Variants in CCNP observed in about 807,000 individuals in gnomAD.
CCNP encodes the protein cyclin P.
A neutral mutation model predicts 19.6 loss-of-function variants in CCNP; 18 were observed. The ratio of observed to expected loss-of-function variants is 0.92; its 90% CI spans 0.64 to 1.36. The LOEUF is 1.36. Among genes scored for constraint, CCNP ranks in the 40% most tolerant of loss-of-function variants. CCNP has a pLI of 0.00. For synonymous variants in CCNP, 228 were observed against 194.9 expected, an observed-to-expected ratio of 1.17 and a Z score of -1.41; for missense variants, 440 against 424.4, an observed-to-expected ratio of 1.04 and a Z score of -0.32.
intron 1 of CCNP, among the ~76,000 whole-genome samples, chr19:40,225,865 A>G (rs887358413): frequency 6.6e-6 from 1 of 152,204 alleles, no homozygotes; most frequent in Non-Finnish European, 1.5e-5. Context: ...CTCAGGTCCT[A>G]ACAGAGATCC....
rs1244607635 is a variant in CCNP at position 40,223,074 on chromosome 19, C to T, written c.902G>A (p.Arg301Gln). 3 of 1,540,296 alleles carry T rather than the reference C, an allele frequency of 1.9e-6. No individual in the cohort carries two copies. Among genetic ancestry groups the T allele is most frequent in the Non-Finnish European group, 2.6e-6 (3 of 1,137,944 alleles). ...DLPSWSFLRS[R>Q]RMRDNY The stretch of plus-strand genomic sequence containing the variant: ...TCCTCAATAATTGTCTCTCATTCTC[C>T]GAGACCGTAAAAATGACCAGGAAGG... The change falls in exon 5 of 5, where the codon CGG becomes CAG. Residue 301 changes from arginine (R) to glutamine (Q), a missense_variant. Transcript: ENST00000430325.
Position 40,222,986 on chromosome 19 carries a change from A to G in CCNP, c.*66T>C, listed in dbSNP as rs1276181575. 7.2e-5 allele frequency: 66 copies of G among 916,280 alleles called. No homozygotes were observed. In the East Asian group the frequency reaches 1.7e-3, roughly 23 times the overall value. The allele number at this position is 916,280 out of a possible 1,614,324, so 56.8% of individuals were successfully genotyped here. On this transcript the variant is annotated 3_prime_UTR_variant, in exon 5 of 5. Transcript: ENST00000430325. Reference sequence around the variant, plus strand: ...GGTTAAGAGACCCCAGATCTGGACTAATGGGGTCCTCCCACCCCATTCTCT... The same window carrying G: ...GGTTAAGAGACCCCAGATCTGGACTGATGGGGTCCTCCCACCCCATTCTCT...
At chr19:40,223,348 G>A (rs1013130085) in intron 4 of CCNP, 40 bp downstream of exon 4, 18 of 1,488,812 alleles carry the variant, frequency 1.2e-5, no homozygotes, top group Non-Finnish European at 9.9e-6. Flanking sequence ...CCCACTTCGC[G>A]CCGGCCACGC....
chr19:40,225,656 C>T (rs1308601260), intron 1 of CCNP, among the ~76,000 whole-genome samples: 1 of 152,240 alleles, frequency 6.6e-6, no homozygotes, highest in Admixed American at 6.5e-5. Context: ...CAGAGAGGGT[C>T]CTTCCCCAGC....
At position 40,226,360 on chromosome 19, in the gene CCNP, G is replaced by A. The variant is rs763446141; in HGVS notation, c.267+15C>T. On this transcript the variant is annotated intron_variant, in intron 1 of 4. Transcript: ENST00000430325. ...CGGCGTCGCCCTCACCAGGGCAGGC[G>A]GCGGGTAGGCTCACCATGACTTCGG... The A allele has an allele frequency of 9.4e-6, 15 of 1,602,876 alleles. 1 individual carries two copies. The highest frequency in any genetic ancestry group is 6.7e-5 in the East Asian group (3 of 44,830).
rs1187078819 is a variant in CCNP, at chr19:40,222,345, C to A, written c.*707G>T. ...GACTGGAGGCGGCGGAGCAGGCAGG[C>A]GGCGGCAAGGCTGGTCCCCTGGCGC... On this transcript the variant is annotated 3_prime_UTR_variant, in exon 5 of 5. Coordinates refer to ENST00000430325, the MANE Select transcript of CCNP (RefSeq NM_024877.4). The A allele has an allele frequency of 5.0e-6, 2 of 399,044 alleles. No individual in the cohort carries two copies. Among genetic ancestry groups the A allele is most frequent in the Non-Finnish European group, 8.8e-6 (2 of 226,082 alleles). 24.7% of individuals were successfully genotyped at this position (399,044 alleles called of 1,614,324 possible).
rs1349087173 is a variant in CCNP at position 40,224,643 on chromosome 19, C to A, written c.358G>T (p.Glu120Ter). 21 of 1,614,098 alleles carry A rather than the reference C, an allele frequency of 1.3e-5. 1 individual carries two copies. The Admixed American group carries it at 3.5e-4, about 27-fold the overall frequency. ...LVVDWLVQVHEYLGLAGDTLY... is the reference protein window; with the variant it reads ...LVVDWLVQVH Reference sequence around the variant, plus strand: ...GTGTCACCAGCCAGACCCAGGTACTCCTGAGGAGGGGCAAGGGTGACCACG... The same window carrying A: ...GTGTCACCAGCCAGACCCAGGTACTACTGAGGAGGGGCAAGGGTGACCACG... Residue 120 changes from glutamate (E) to a stop codon, truncating the protein, a stop_gained and splice_region_variant, in exon 3 of 5, where the codon GAG (glutamate) becomes TAG (stop). Coordinates refer to ENST00000430325, the MANE Select transcript of CCNP (RefSeq NM_024877.4). LOFTEE classifies it high-confidence loss of function.
Position 40,224,794 on chromosome 19 carries a change from G to C in CCNP, c.285C>G (p.Pro95=). ...TCACAGCGCGGGGCAGGGCTCTCAG[G>C]GGCAGCACGCGGCACACCTGGGGTT... ...FAEVMVCRVL[P]LRALPRAVTP... is the part of the protein sequence containing the mutation. Residue 95 remains proline (P), a synonymous_variant, in exon 2 of 5, where the codon CCC becomes CCG. Coordinates refer to ENST00000430325, the MANE Select transcript of CCNP (RefSeq NM_024877.4). 24 of 1,553,630 alleles carry C rather than the reference G, an allele frequency of 1.5e-5. No individual in the cohort carries two copies. Among genetic ancestry groups the C allele is most frequent in the Non-Finnish European group, 2.0e-5 (23 of 1,148,092 alleles).
At chr19:40,225,033 G>A in intron 1 of CCNP, 1 of 555,456 alleles carries the variant, frequency 1.8e-6, no homozygotes, top group Non-Finnish European at 3.2e-6. Context: ...TGGACTCCTG[G>A]GCGTCTCCCT....
chr19:40,226,662 G>GCGAGGCCAAGCAC lies in CCNP; in HGVS notation c.-34_-22dup. On this transcript the variant is annotated 5_prime_UTR_variant, in exon 1 of 5. Coordinates refer to ENST00000430325, the MANE Select transcript of CCNP (RefSeq NM_024877.4). ...AGCATCCTCCAGGAGGGTGTTGCGG[G>GCGAGGCCAAGCAC]CGAGGCCAAGCACCGACCCTTGCAG... 1 of 1,541,698 alleles carries GCGAGGCCAAGCAC rather than the reference G, an allele frequency of 6.5e-7. No homozygotes were observed. Among genetic ancestry groups the GCGAGGCCAAGCAC allele is most frequent in the Non-Finnish European group, 8.7e-7 (1 of 1,147,498 alleles).
chr19:40,223,982 G>A (rs1023359197), intron 3 of CCNP, among the ~76,000 whole-genome samples: 1 of 144,460 alleles, frequency 6.9e-6, no homozygotes, highest in Non-Finnish European at 1.5e-5. Flanking sequence ...GTTTTTTTTT[G>A]TTGTTGTTGT....
rs773166939 is a variant in CCNP, at chr19:40,223,400, C to T, written c.660G>A (p.Gly220=). 1 of 1,563,240 alleles carries T rather than the reference C, an allele frequency of 6.4e-7. No individual in the cohort carries two copies. The highest frequency in any genetic ancestry group is 8.7e-7 in the Non-Finnish European group (1 of 1,155,934). ...LCLGLLAALA[G]SSPQVMLLAT... The stretch of plus-strand genomic sequence containing the variant: ...CACAAGGGCTCACCTGGGGGCTGCT[C>T]CCTGCCAGCGCGGCCAGCAGCCCGA... Residue 220 remains glycine (G), a synonymous_variant, in exon 4 of 5, where the codon GGG becomes GGA. Coordinates refer to ENST00000430325, the MANE Select transcript of CCNP (RefSeq NM_024877.4).
At chr19:40,226,003 C>T (rs1210284269) in intron 1 of CCNP, among the ~76,000 whole-genome samples, 1 of 152,204 alleles carries the variant, frequency 6.6e-6, no homozygotes, top group Non-Finnish European at 1.5e-5. Flanking sequence ...TGGCCTTTCC[C>T]TAGTTGTTCT....
chr19:40,225,121 G>A (rs568371355), intron 1 of CCNP, among the ~76,000 whole-genome samples: 2 of 150,288 alleles, frequency 1.3e-5, no homozygotes, highest in African/African-American at 2.5e-5. Flanking sequence ...GTGCAATGGC[G>A]CAATCTTGGC....
At chr19:40,226,256 G>T (rs867882300) in intron 1 of CCNP, 119 bp downstream of exon 1, 2 of 860,212 alleles carry the variant, frequency 2.3e-6, no homozygotes, top group Middle Eastern at 2.6e-4. Flanking sequence ...GGGAAGGAAC[G>T]CCGGCTGCCA....
At chr19:40,223,982 G>T (rs1023359197) in intron 3 of CCNP, among the ~76,000 whole-genome samples, 15 of 144,458 alleles carry the variant, frequency 1.0e-4, no homozygotes, top group East Asian at 2.0e-4. Flanking sequence ...GTTTTTTTTT[G>T]TTGTTGTTGT....
At chr19:40,224,914 CT>C in intron 1 of CCNP, 103 bp from the exon 2 acceptor site, 1 of 1,022,078 alleles carries the variant, frequency 9.8e-7, no homozygotes, top group Non-Finnish European at 1.4e-6. Context: ...AGTTGGACAT[CT>C]TAGGCATGCC....
In CCNP at chr19:40,224,486, A is replaced by T. The variant is rs1347958565; in HGVS notation, c.513+2T>A. The T allele has an allele frequency of 6.2e-7, 1 of 1,613,836 alleles. No homozygotes were observed. Among genetic ancestry groups the T allele is most frequent in the East Asian group, 2.2e-5 (1 of 44,880 alleles). Reference sequence around the variant, plus strand: ...CCCTCCCAAACCCCACCCCGGAAGTACCTCGGGAAGCACGCACTCTTCCAT... The same window carrying T: ...CCCTCCCAAACCCCACCCCGGAAGTTCCTCGGGAAGCACGCACTCTTCCAT... On this transcript the variant is annotated splice_donor_variant, in intron 3 of 4. Coordinates refer to ENST00000430325, the MANE Select transcript of CCNP (RefSeq NM_024877.4). LOFTEE classifies it high-confidence loss of function.
At chr19:40,225,646 C>T (rs190228096) in intron 1 of CCNP, among the ~76,000 whole-genome samples, 215 of 152,362 alleles carry the variant, frequency 1.4e-3, no homozygotes, top group Non-Finnish European at 2.2e-3. Context: ...GTTTCCTCTA[C>T]AGAGAGGGTC....
Sources: allele counts gnomAD v4.1 joint callset (sites outside exome capture counted in the v4.1 genomes callset), GRCh38; gene constraint gnomAD v4.1.1; transcripts MANE v1.5; gene names NCBI Gene and HGNC (gene_info 2026-07-23, HGNC 2026-07-21).